The following H2AZ2 variants were observed in gnomAD, a reference collection of about 807,000 sequenced individuals.
H2AZ2 encodes H2A.Z variant histone 2.
A neutral mutation model predicts 15.5 loss-of-function variants in H2AZ2; 5 were observed. The ratio of observed to expected loss-of-function variants is 0.32; its 90% CI spans 0.17 to 0.68. The LOEUF (loss-of-function observed/expected upper bound fraction) is 0.68, where lower values mean the gene tolerates loss of function less well. H2AZ2 is among the 30% of genes least tolerant of loss of function. The pLI is 0.72. For missense variants in H2AZ2, 42 were observed against 162.5 expected, an observed-to-expected ratio of 0.26 and a Z score of 4.03; for synonymous variants, 44 against 57.4, an observed-to-expected ratio of 0.77 and a Z score of 1.05.
At chr7:44,836,752 T>G (rs1793132501) in intron 3 of H2AZ2, among the ~76,000 whole-genome samples, 1 of 151,618 alleles carries the variant, frequency 6.6e-6, no homozygotes, top group Admixed American at 6.6e-5. Context: ...ATCCCAGCAA[T>G]TTGGGAGGCC....
Position 44,834,308 on chromosome 7 carries a change from G to A in H2AZ2, c.*193C>T. ...AAACCTAGCCAATCAACACACAACT[G>A]TCACCACATGAAAAGGTACTTTTAT... is the stretch of plus-strand genomic sequence containing the variant. On this transcript the variant is annotated 3_prime_UTR_variant, in exon 5 of 5. Coordinates refer to ENST00000308153, the MANE Select transcript of H2AZ2 (RefSeq NM_012412.5). 1 of 1,319,920 alleles carries A rather than the reference G, an allele frequency of 7.6e-7. No individual in the cohort carries two copies. The highest frequency in any genetic ancestry group is 9.7e-7 in the Non-Finnish European group (1 of 1,030,394). The allele number at this position is 1,319,920 out of a possible 1,614,324, so 81.8% of individuals were successfully genotyped here.
chr7:44,845,795 A>T (rs1346220693), intron 1 of H2AZ2, among the ~76,000 whole-genome samples: 3 of 152,186 alleles, frequency 2.0e-5, no homozygotes, highest in African/African-American at 7.2e-5. Flanking sequence ...TACATTTCTC[A>T]TACTTAACAA....
chr7:44,835,610 T>C lies in H2AZ2; in HGVS notation c.244A>G (p.Ile82Val), dbSNP rs1793100313. Residue 82 changes from isoleucine (I) to valine (V), a missense_variant, in exon 4 of 5, where the codon ATC becomes GTC. Ile to Val is a conservative substitution (Grantham distance 29). Transcript: ENST00000308153. ...NASKDLKVKR[I>V]TPRHLQLAIR... ...GCAAGCTGCAAGTGACGCGGAGTGATACGCTTTACTTTGAGATCCTTAGAA... is the reference window on the plus strand; with the variant it reads ...GCAAGCTGCAAGTGACGCGGAGTGACACGCTTTACTTTGAGATCCTTAGAA... 6.2e-7 allele frequency: 1 copy of C among 1,613,248 alleles called. No individual in the cohort carries two copies. Among genetic ancestry groups the C allele is most frequent in the Admixed American group, 1.7e-5 (1 of 59,846 alleles).
Position 44,840,935 on chromosome 7 carries a change from C to T in H2AZ2, c.159G>A (p.Val53=), listed in dbSNP as rs146961116. Residue 53 remains valine, a synonymous_variant, in exon 3 of 5, where the codon GTG becomes GTA. Transcript: ENST00000308153. The part of the protein sequence containing the change: ...SHGRVGATAA[V]YSAAILEYLT... ...GGTACTCCAGAATCGCAGCACTGTA[C>T]ACGGCAGCAGTGGCACCCACCCTTC... 3.7e-6 allele frequency: 6 copies of T among 1,614,122 alleles called. No homozygotes were observed. The highest frequency in any genetic ancestry group is 2.5e-6 in the Non-Finnish European group (3 of 1,179,998).
intron 1 of H2AZ2, among the ~76,000 whole-genome samples, chr7:44,846,024 T>TACACACACACAC (rs10573522): frequency 0.028 from 3,656 of 132,442 alleles, 62 homozygotes; most frequent in Non-Finnish European, 0.039. Flanking sequence ...TTTAAAAAAT[T>TACACACACACAC]ACACACACAC....
intron 1 of H2AZ2, among the ~76,000 whole-genome samples, chr7:44,846,138 T>A (rs975303883): frequency 6.6e-6 from 1 of 151,834 alleles, no homozygotes; most frequent in African/African-American, 2.4e-5. Context: ...GCAAACTGGA[T>A]ACTAAGACAC....
Position 44,847,829 on chromosome 7 carries a change from C to T in H2AZ2, c.3+140G>A, listed in dbSNP as rs1262912400. 6 of 1,194,936 alleles carry T rather than the reference C, an allele frequency of 5.0e-6. No homozygotes were observed. The South Asian group carries it at 9.1e-5, about 18-fold the overall frequency. The allele number at this position is 1,194,936 out of a possible 1,614,324, so 74.0% of individuals were successfully genotyped here. ...TCCGCAGCTGGGACATGGCGCCCCCCGGCGGGCGGCGAGGGGCTCGGCCGG... is the reference window on the plus strand; with the variant it reads ...TCCGCAGCTGGGACATGGCGCCCCCTGGCGGGCGGCGAGGGGCTCGGCCGG... On this transcript the variant is annotated intron_variant, in intron 1 of 4. Coordinates refer to ENST00000308153, the MANE Select transcript of H2AZ2 (RefSeq NM_012412.5).
At chr7:44,836,872 T>C (rs532648918) in intron 3 of H2AZ2, among the ~76,000 whole-genome samples, 1 of 151,506 alleles carries the variant, frequency 6.6e-6, no homozygotes, top group East Asian at 2.0e-4. Context: ...GGCAGGCACC[T>C]GTAGTCCCAG....
chr7:44,838,638 G>C (rs866775106), intron 3 of H2AZ2, among the ~76,000 whole-genome samples: 4 of 152,276 alleles, frequency 2.6e-5, no homozygotes, highest in South Asian at 4.1e-4. Context: ...GGGAGACAGA[G>C]AGAGATCCTG....
intron 1 of H2AZ2, among the ~76,000 whole-genome samples, chr7:44,844,365 T>G (rs1444496936): frequency 6.6e-6 from 1 of 152,218 alleles, no homozygotes; most frequent in African/African-American, 2.4e-5. Flanking sequence ...AAATACTGTA[T>G]GATTCTACTT....
intron 1 of H2AZ2, 88 bp downstream of exon 1, chr7:44,847,881 C>T: frequency 1.3e-6 from 2 of 1,520,278 alleles, no homozygotes; most frequent in Non-Finnish European, 8.8e-7. Flanking sequence ...CGCAAACTCC[C>T]GACTCCACAG....
chr7:44,838,167 G>T (rs1212778040), intron 3 of H2AZ2, among the ~76,000 whole-genome samples: 1 of 151,336 alleles, frequency 6.6e-6, no homozygotes, highest in Non-Finnish European at 1.5e-5. Context: ...TAGAGATAGG[G>T]TTTCACTATG....
chr7:44,839,478 C>T (rs978154539), intron 3 of H2AZ2, among the ~76,000 whole-genome samples: 5 of 150,734 alleles, frequency 3.3e-5, no homozygotes, highest in African/African-American at 1.2e-4. Context: ...AGATCGAGAC[C>T]ATCCTGGCTA....
At chr7:44,844,227 A>G (rs1244033682) in intron 1 of H2AZ2, among the ~76,000 whole-genome samples, 1 of 152,240 alleles carries the variant, frequency 6.6e-6, no homozygotes, top group Non-Finnish European at 1.5e-5. Context: ...CCAATGATGG[A>G]TGAACAAAAT....
intron 1 of H2AZ2, among the ~76,000 whole-genome samples, chr7:44,844,057 A>ACC (rs1432643028): frequency 1.3e-5 from 2 of 149,038 alleles, no homozygotes. Context: ...AAAAAAAAAA[A>ACC]CCTCAAAAAA....
intron 1 of H2AZ2, among the ~76,000 whole-genome samples, chr7:44,846,571 T>C (rs1481451555): frequency 1.0e-4 from 15 of 149,234 alleles, no homozygotes; most frequent in African/African-American, 1.7e-4. Flanking sequence ...AGATCGCCCA[T>C]TGCACTCCAG....
Position 44,840,896 on chromosome 7 carries a change from A to C in H2AZ2, c.195+3T>G, listed in dbSNP as rs771675197. ...CATATACAACAGACATTCCTGTACA[A>C]ACCTCTGCAGTGAGGTACTCCAGAA... On this transcript the variant is annotated splice_donor_region_variant and intron_variant, in intron 3 of 4. Transcript: ENST00000308153. 5 of 1,603,308 alleles carry C rather than the reference A, an allele frequency of 3.1e-6. No individual in the cohort carries two copies. The African/African-American group carries it at 6.7e-5, about 21-fold the overall frequency.
chr7:44,836,952 C>T (rs62460518), intron 3 of H2AZ2, among the ~76,000 whole-genome samples: 3,649 of 150,464 alleles, frequency 0.024, 64 homozygotes, highest in Admixed American at 0.06. Flanking sequence ...GCCGAGATGG[C>T]GCCACTGCAC....
chr7:44,835,388 G>T (rs550026250), intron 4 of H2AZ2, 141 bp downstream of exon 4: 2 of 573,366 alleles, frequency 3.5e-6, no homozygotes, highest in Non-Finnish European at 5.6e-6. Context: ...GAAAAGCTTA[G>T]AATTGTTATA....
Sources: gnomAD v4.1 joint callset for allele counts (sites outside exome capture counted in the v4.1 genomes callset) on GRCh38, gnomAD v4.1.1 for gene constraint, MANE v1.5 for transcripts, NCBI Gene and HGNC (gene_info 2026-07-23, HGNC 2026-07-21) for gene names.